The following KRT26 variants were observed in gnomAD, a reference collection of about 807,000 sequenced individuals.
KRT26 encodes the protein keratin, type I cytoskeletal 26.
In KRT26, 45 loss-of-function variants were observed where a neutral mutation model predicts 46.1. The ratio of observed to expected loss-of-function variants is 0.98; its 90% CI spans 0.77 to 1.25. The LOEUF is 1.25. KRT26 is among the 50% of genes most tolerant of loss of function. The probability of loss-of-function intolerance (pLI) is 0.00; values close to 1 mark genes in which losing one functional copy is unlikely to be tolerated. For missense variants in KRT26, 582 were observed against 560.1 expected, an observed-to-expected ratio of 1.04 and a Z score of -0.39; for synonymous variants, 191 against 209.9, an observed-to-expected ratio of 0.91 and a Z score of 0.78.
chr17:40,766,532 GTA>G lies in KRT26; in HGVS notation c.1388_1389del (p.Val463AlafsTer3). 6.2e-7 allele frequency: 1 copy of G among 1,608,236 alleles called. No homozygotes were observed. Among genetic ancestry groups the G allele is most frequent in the African/African-American group, 1.3e-5 (1 of 74,632 alleles). ...TTTCCTCATTATGGTGCTTTAGAAG[GTA>G]CTCGTTGCTCTACTGTAATGTTGCT... On this transcript the variant is annotated frameshift_variant, in exon 8 of 8. Coordinates refer to ENST00000335552, the Ensembl canonical transcript of KRT26. LOFTEE classifies it high-confidence loss of function.
In KRT26 at chr17:40,770,176, G is replaced by A. The variant is rs184026136; in HGVS notation, c.682-54C>T. The A allele has an allele frequency of 2.8e-4, 447 of 1,609,530 alleles. 1 individual carries two copies. Among genetic ancestry groups the A allele is most frequent in the Non-Finnish European group, 4.9e-5 (58 of 1,175,832 alleles). On this transcript the variant is annotated intron_variant, in intron 3 of 7. Coordinates refer to ENST00000335552, the Ensembl canonical transcript of KRT26. ...GTGGAGGATTTTGATTGATGTTCATGCCCTGCTACGAAATGAACAGTGGAC... is the reference window on the plus strand; with the variant it reads ...GTGGAGGATTTTGATTGATGTTCATACCCTGCTACGAAATGAACAGTGGAC...
chr17:40,768,846 G>T (rs749868869), intron 6 of KRT26, 33 bp downstream of exon 6: 7 of 1,128,912 alleles, frequency 6.2e-6, no homozygotes, highest in Non-Finnish European at 8.8e-6. Flanking sequence ...GTTAATGTGA[G>T]GTTTTTTTTT....
chr17:40,769,908 G>C, intron 4 of KRT26, 29 bp from the exon 5 acceptor site: 3 of 1,614,154 alleles, frequency 1.9e-6, no homozygotes, highest in Non-Finnish European at 2.5e-6. Flanking sequence ...AAGGGTTAGT[G>C]ACTGGCCTGA....
Position 40,771,823 on chromosome 17 carries a change from G to C in KRT26, c.291C>G (p.Tyr97Ter). ...CCTCTAGAGCATGCACATGGTCCAG[G>C]TAGGATGCCAGGCGGTCGTTGAGAT... Residue 97 changes from tyrosine (Y) to a stop codon, truncating the protein, a stop_gained, in exon 1 of 8, where the codon TAC becomes TAG. Transcript: ENST00000335552. LOFTEE classifies it high-confidence loss of function. 1.2e-6 allele frequency: 2 copies of C among 1,614,192 alleles called. No individual in the cohort carries two copies. Among genetic ancestry groups the C allele is most frequent in the Non-Finnish European group, 1.7e-6 (2 of 1,180,040 alleles).
At chr17:40,766,622 C>A in exon 8 of KRT26, 1 of 1,613,010 alleles carries the variant, frequency 6.2e-7, no homozygotes, top group Non-Finnish European at 8.5e-7. Flanking sequence ...CCAATTTGAT[C>A]CAGTTCCTCA....
intron 7 of KRT26, 26 bp downstream of exon 7, chr17:40,767,560 A>G: frequency 1.4e-6 from 2 of 1,437,708 alleles, no homozygotes; most frequent in Non-Finnish European, 1.9e-6. Flanking sequence ...AAGGAGTTAC[A>G]CCAGGTAAAA....
exon 8 of KRT26, chr17:40,766,359 G>A (rs2038172139): frequency 3.7e-6 from 2 of 536,176 alleles, no homozygotes; most frequent in Non-Finnish European, 6.2e-6. Flanking sequence ...CATGAGAAAA[G>A]GAAGAGAAGG....
chr17:40,771,635 A>C (rs1274252636), intron 1 of KRT26, 38 bp downstream of exon 1: 2 of 1,517,510 alleles, frequency 1.3e-6, no homozygotes, highest in Non-Finnish European at 9.0e-7. Flanking sequence ...TCAACACACA[A>C]AGTCTGTAGT....
exon 6 of KRT26, chr17:40,768,945 A>C: frequency 1.9e-6 from 3 of 1,612,936 alleles, no homozygotes; most frequent in Non-Finnish European, 1.7e-6. Context: ...TTTTACATCA[A>C]GAAGCTGTTC....
At chr17:40,767,852 A>T (rs536487581) in intron 6 of KRT26, among the ~76,000 whole-genome samples, 199 bp from the exon 7 acceptor site, 41 of 152,288 alleles carry the variant, frequency 2.7e-4, no homozygotes, top group African/African-American at 9.6e-4. Flanking sequence ...TATGAATAGA[A>T]ATTTTCTCAT....
chr17:40,769,843 C>T, exon 5 of KRT26: 2 of 1,614,176 alleles, frequency 1.2e-6, no homozygotes, highest in Middle Eastern at 1.6e-4. Context: ...GTGGCTGCTC[C>T]CTCATGATCG....
At chr17:40,771,278 C>A in intron 1 of KRT26, 42 bp from the exon 2 acceptor site, 1 of 1,067,676 alleles carries the variant, frequency 9.4e-7, no homozygotes, top group South Asian at 1.4e-5. Flanking sequence ...TACCAAAAGT[C>A]AAAGGAGGCT....
At position 40,772,094 on chromosome 17, in the gene KRT26, C is replaced by T. The variant is rs1033743392; in HGVS notation, c.20G>A (p.Gly7Asp). 9 of 1,613,818 alleles carry T rather than the reference C, an allele frequency of 5.6e-6. No individual in the cohort carries two copies. Among genetic ancestry groups the T allele is most frequent in the Non-Finnish European group, 7.6e-6 (9 of 1,179,842 alleles). Reference sequence around the variant, plus strand: ...TCGCGAGCAGATCCTCCTGGATCCACCAGAAAGTCGAAAAGACATGGTGGC... The same window carrying T: ...TCGCGAGCAGATCCTCCTGGATCCATCAGAAAGTCGAAAAGACATGGTGGC... Residue 7 changes from glycine to aspartate, a missense_variant, in exon 1 of 8, where the codon GGT becomes GAT. Physicochemically the swap from Gly to Asp is moderately conservative, Grantham distance 94. Coordinates refer to ENST00000335552, the Ensembl canonical transcript of KRT26.
chr17:40,769,963 T>C (rs768329462), exon 4 of KRT26: 9 of 1,614,024 alleles, frequency 5.6e-6, no homozygotes. Flanking sequence ...AGACCTACCC[T>C]CTCGTTGAAC....
At chr17:40,769,424 T>G (rs1250228703) in intron 5 of KRT26, among the ~76,000 whole-genome samples, 1 of 152,162 alleles carries the variant, frequency 6.6e-6, no homozygotes, top group Admixed American at 6.5e-5. Context: ...CCCAAAGTGC[T>G]GGGATTACAG....
At chr17:40,768,849 T>G in intron 6 of KRT26, 30 bp downstream of exon 6, 3 of 673,056 alleles carry the variant, frequency 4.5e-6, no homozygotes, top group Non-Finnish European at 6.1e-6. Flanking sequence ...AATGTGAGGT[T>G]TTTTTTTTTT....
At chr17:40,770,549 G>T in intron 2 of KRT26, 140 bp from the exon 3 acceptor site, 2 of 593,754 alleles carry the variant, frequency 3.4e-6, no homozygotes, top group Non-Finnish European at 5.7e-6. Context: ...CTGCTAAAAT[G>T]GTTTGAGATA....
chr17:40,768,140 T>C (rs947329517), intron 6 of KRT26, among the ~76,000 whole-genome samples: 10 of 152,200 alleles, frequency 6.6e-5, no homozygotes, highest in African/African-American at 2.4e-4. Context: ...TGGGTTCCTG[T>C]GAGAATAGGC....
At chr17:40,766,503 A>T in exon 8 of KRT26, 3 of 1,531,094 alleles carry the variant, frequency 2.0e-6, no homozygotes, top group South Asian at 1.3e-5. Context: ...TTTCCAAATA[A>T]CTTTTTCCTC....
Sources: gnomAD v4.1 joint callset for allele counts (sites outside exome capture counted in the v4.1 genomes callset) on GRCh38, gnomAD v4.1.1 for gene constraint, MANE v1.5 for transcripts, NCBI Gene and HGNC (gene_info 2026-07-23, HGNC 2026-07-21) for gene names.